SLC26A3: variants seen among roughly 807,000 people sequenced by gnomAD.
SLC26A3 encodes the protein chloride anion exchanger.
SLC26A3 carries 64 observed loss-of-function variants against 85.6 expected under a neutral mutation model. The observed-to-expected ratio is 0.75, with a 90% confidence interval of 0.61 to 0.92. SLC26A3 has a LOEUF of 0.92. SLC26A3 is among the 40% of genes least tolerant of loss of function. SLC26A3 has a pLI of 0.00. For missense variants in SLC26A3, 922 were observed against 927.3 expected (o/e 0.99, Z 0.07); for synonymous variants, 349 against 336.0 (o/e 1.04, Z -0.42).
Position 107,793,828 on chromosome 7 carries a change from G to T in SLC26A3, c.185C>A (p.Ser62Tyr), listed in dbSNP as rs760709614. The T allele has an allele frequency of 1.9e-6, 3 of 1,614,140 alleles. No individual in the cohort carries two copies. Among genetic ancestry groups the T allele is most frequent in the Non-Finnish European group, 2.5e-6 (3 of 1,179,992 alleles). Residue 62 changes from serine to tyrosine, a missense_variant, in exon 3 of 21, where the codon TCT becomes TAT. Ser to Tyr is a moderately radical substitution (Grantham distance 144, BLOSUM62 -2). Coordinates refer to ENST00000340010, the MANE Select transcript of SLC26A3 (RefSeq NM_000111.3). ...TTTAAGCCGGTATGCTGGCAACCAA[G>T]ATGCTATGGGGAACAAAGAGAGGAC... ...RIVLSLFPIASWLPAYRLKEW... is the reference protein window; with the variant it reads ...RIVLSLFPIAYWLPAYRLKEW...
At chr7:107,784,120 A>G (rs141596944) in intron 8 of SLC26A3, among the ~76,000 whole-genome samples, 71 of 152,346 alleles carry the variant, frequency 4.7e-4, no homozygotes, top group African/African-American at 1.6e-3. Flanking sequence ...ATTAGGTCCA[A>G]TCAACTCTTT....
At chr7:107,776,334 C>G in intron 15 of SLC26A3, 118 bp downstream of exon 15, 2 of 855,728 alleles carry the variant, frequency 2.3e-6, no homozygotes, top group Non-Finnish European at 4.0e-6. Context: ...AATACTGACA[C>G]AACCCCACCT....
At position 107,783,280 on chromosome 7, in the gene SLC26A3, C is replaced by A. The variant is rs369910571; in HGVS notation, c.1044G>T (p.Met348Ile). 3.7e-6 allele frequency: 6 copies of A among 1,614,060 alleles called. No individual in the cohort carries two copies. The highest frequency in any genetic ancestry group is 2.7e-5 in the African/African-American group (2 of 74,934). ...NTVGDCFGIA[M>I]VAFAVAFSVA... ...CTGAAAAGGCCACTGCAAATGCAAC[C>A]ATTGCGATGCCGAAGCAATCTCCTA... Residue 348 changes from methionine (M) to isoleucine (I), a missense_variant, in exon 9 of 21, where the codon ATG becomes ATT. Met to Ile is a conservative substitution (Grantham distance 10). Coordinates refer to ENST00000340010, the MANE Select transcript of SLC26A3 (RefSeq NM_000111.3).
At position 107,798,802 on chromosome 7, in the gene SLC26A3, C is replaced by G. The variant is rs550858057; in HGVS notation, c.-88-4205G>C. 2.0e-5 allele frequency among the ~76,000 whole-genome samples: 3 copies of G among 152,320 alleles called. No individual in the cohort carries two copies. The East Asian group carries it at 5.8e-4, about 29-fold the overall frequency. On this transcript the variant is annotated intron_variant, in intron 1 of 20. Transcript: ENST00000340010. Reference sequence around the variant, plus strand: ...AATCTGCTGAAAACACAACTCACCTCATGGATCTCAAAATATCTCTGAGCC... The same window carrying G: ...AATCTGCTGAAAACACAACTCACCTGATGGATCTCAAAATATCTCTGAGCC...
rs770244075 is a variant in SLC26A3, at chr7:107,774,117, A to G, written c.1810T>C (p.Ser604Pro). Residue 604 changes from serine (S) to proline (P), a missense_variant, in exon 17 of 21, where the codon TCT (serine) becomes CCT (proline). Ser to Pro is a moderately conservative substitution (Grantham distance 74). Coordinates refer to ENST00000340010, the MANE Select transcript of SLC26A3 (RefSeq NM_000111.3). ...FICTVDTIKD[S>P]DEELDNNQIE... ...TGATTGTTGTCCAGCTCTTCGTCAGAATCTTTTATGGTGTCAACAGTACAT... is the reference window on the plus strand; with the variant it reads ...TGATTGTTGTCCAGCTCTTCGTCAGGATCTTTTATGGTGTCAACAGTACAT... 1.2e-6 allele frequency: 2 copies of G among 1,614,180 alleles called. No individual in the cohort carries two copies. Among genetic ancestry groups the G allele is most frequent in the South Asian group, 2.2e-5 (2 of 91,084 alleles).
At chr7:107,794,943 GTTAGAT>G (rs1308386268) in intron 1 of SLC26A3, among the ~76,000 whole-genome samples, 1 of 152,072 alleles carries the variant, frequency 6.6e-6, no homozygotes, top group African/African-American at 2.4e-5. Context: ...GTTGGGACAG[GTTAGAT>G]TTAAAGTTTT....
At chr7:107,773,558 T>C (rs942743674) in intron 17 of SLC26A3, among the ~76,000 whole-genome samples, 1 of 152,186 alleles carries the variant, frequency 6.6e-6, no homozygotes, top group Non-Finnish European at 1.5e-5. Context: ...AATACAGTTT[T>C]TTTTGTTGCT....
intron 13 of SLC26A3, among the ~76,000 whole-genome samples, chr7:107,777,671 T>C (rs1161072242): frequency 1.3e-5 from 2 of 152,184 alleles, no homozygotes; most frequent in Non-Finnish European, 2.9e-5. Context: ...GAATTCCAAA[T>C]GGCTTTTGTG....
rs1231134110 is a variant in SLC26A3 at position 107,791,031 on chromosome 7, C to T, written c.570+17G>A. ...TGAACAGATTGAGGTGGGCAAGTTA[C>T]ATGAGAAGGTGCTCACCTGGATGAT... On this transcript the variant is annotated intron_variant, in intron 5 of 20. Coordinates refer to ENST00000340010, the MANE Select transcript of SLC26A3 (RefSeq NM_000111.3). The T allele has an allele frequency of 6.8e-6, 11 of 1,612,454 alleles. No homozygotes were observed. Among genetic ancestry groups the T allele is most frequent in the Non-Finnish European group, 9.3e-6 (11 of 1,179,602 alleles).
In SLC26A3 at chr7:107,794,513, G is replaced by T; in HGVS notation, c.-4C>A. ...GATTCCCAAAGGGTTCAATCATTTT[G>T]ATTTTTCTGTTGGCTGTGGCAAGTT... On this transcript the variant is annotated 5_prime_UTR_variant, in exon 2 of 21. Coordinates refer to ENST00000340010, the MANE Select transcript of SLC26A3 (RefSeq NM_000111.3). 6.8e-6 allele frequency: 11 copies of T among 1,613,872 alleles called. No homozygotes were observed. Among genetic ancestry groups the T allele is most frequent in the South Asian group, 2.2e-5 (2 of 91,038 alleles).
chr7:107,802,844 G>C (rs1004201612), intron 1 of SLC26A3, among the ~76,000 whole-genome samples: 1 of 142,258 alleles, frequency 7.0e-6, no homozygotes, highest in Non-Finnish European at 1.5e-5. Context: ...ATTAAAACAA[G>C]AACACTAATA....
chr7:107,794,150 C>T (rs542964932), intron 2 of SLC26A3, among the ~76,000 whole-genome samples: 1 of 152,096 alleles, frequency 6.6e-6, no homozygotes, highest in Non-Finnish European at 1.5e-5. Context: ...CCTCTGTCCC[C>T]ATCTGTTAGT....
chr7:107,769,386 A>G (rs1184777437), intron 18 of SLC26A3, among the ~76,000 whole-genome samples: 1 of 152,150 alleles, frequency 6.6e-6, no homozygotes, highest in East Asian at 1.9e-4. Flanking sequence ...GGAATACTAT[A>G]TAAAAACATA....
chr7:107,791,330 G>A, intron 4 of SLC26A3, 95 bp from the exon 5 acceptor site: 2 of 1,357,236 alleles, frequency 1.5e-6, no homozygotes, highest in Non-Finnish European at 2.1e-6. Flanking sequence ...TGACTGGCAA[G>A]GCTGGGCGTG....
rs1260763668 is a variant in SLC26A3, at chr7:107,793,663, T to A, written c.271+79A>T. 35 of 1,083,550 alleles carry A rather than the reference T, an allele frequency of 3.2e-5. No homozygotes were observed. In the East Asian group the frequency reaches 9.1e-4, roughly 28 times the overall value. 67.1% of individuals were successfully genotyped at this position (1,083,550 alleles called of 1,614,324 possible). A position where few individuals can be genotyped will look rare whatever the true frequency, so the allele number is the denominator to read the frequency against. ...GGTGACAGATGCACAACCTAGTGAATATACGAAAAGTCCCTGAGCTGTACA... is the reference window on the plus strand; with the variant it reads ...GGTGACAGATGCACAACCTAGTGAAAATACGAAAAGTCCCTGAGCTGTACA... On this transcript the variant is annotated intron_variant, in intron 3 of 20. Transcript: ENST00000340010.
intron 1 of SLC26A3, among the ~76,000 whole-genome samples, chr7:107,802,093 GA>G (rs55666944): frequency 0.3 from 28,941 of 96,756 alleles, 3,070 homozygotes; most frequent in South Asian, 0.39. Context: ...ATCCGTCTCA[GA>G]AAAAAAAAAA....
rs1024532574 is a variant in SLC26A3, at chr7:107,779,821, G to A, written c.1312-58C>T. 3 of 1,411,804 alleles carry A rather than the reference G, an allele frequency of 2.1e-6. No homozygotes were observed. The African/African-American group carries it at 4.2e-5, about 20-fold the overall frequency. 87.5% of individuals were successfully genotyped at this position (1,411,804 alleles called of 1,614,324 possible). On this transcript the variant is annotated intron_variant, in intron 11 of 20. Transcript: ENST00000340010. ...AGTTAATGAAATAAACCACAGGGAA[G>A]CAAAGGTGAAGGCTATAGATAAGTG...
chr7:107,790,937 C>A lies in SLC26A3; in HGVS notation c.570+111G>T, dbSNP rs969625146. ...TTTCCTATGGGCCATGAGGGAGAGA[C>A]AAACCAAAGGGAAGATGGGGAGGAG... On this transcript the variant is annotated intron_variant, in intron 5 of 20. Transcript: ENST00000340010. 4.2e-6 allele frequency: 5 copies of A among 1,187,676 alleles called. No homozygotes were observed. In the African/African-American group the frequency reaches 4.5e-5, roughly 11 times the overall value. The allele number at this position is 1,187,676 out of a possible 1,614,324, so 73.6% of individuals were successfully genotyped here.
chr7:107,773,254 C>T (rs1794055545), intron 17 of SLC26A3, among the ~76,000 whole-genome samples: 1 of 152,094 alleles, frequency 6.6e-6, no homozygotes, highest in African/African-American at 2.4e-5. Flanking sequence ...TACATTTTTT[C>T]CCAGGACCTT....
Sources: allele counts gnomAD v4.1 joint callset (sites outside exome capture counted in the v4.1 genomes callset), GRCh38; gene constraint gnomAD v4.1.1; transcripts MANE v1.5; gene names NCBI Gene and HGNC (gene_info 2026-07-23, HGNC 2026-07-21).